Variants in MALAT1 observed in about 807,000 individuals in gnomAD.
The protein encoded by MALAT1 is metastasis associated lung adenocarcinoma transcript 1.
exon 3 of MALAT1, chr11:65,500,291 G>C (rs774114115): frequency 1.9e-6 from 1 of 518,900 alleles, no homozygotes; most frequent in South Asian, 1.4e-5. Flanking sequence ...CGTAACGGAA[G>C]TAATTCAAGA....
Position 65,505,924 on chromosome 11 carries a change from CAA to C in MALAT1, n.5169-332_5169-331del, listed in dbSNP as rs780177965. On this transcript the variant is annotated intron_variant and non_coding_transcript_variant, in intron 3 of 3. Transcript: ENST00000619449. ...CTGAGAGGGCTTTTGGGTGGGAATG[CAA>C]AAATTCTCTGCTAAGACTTTTTCAG... The C allele has an allele frequency of 5.1e-5, 22 of 433,088 alleles. No homozygotes were observed. In the Admixed American group the frequency reaches 5.5e-4, roughly 11 times the overall value. 26.8% of individuals were successfully genotyped at this position (433,088 alleles called of 1,614,324 possible). A position where few individuals can be genotyped will look rare whatever the true frequency, so the allele number is the denominator to read the frequency against.
In MALAT1 at chr11:65,499,265, T is replaced by A. The variant is rs534838156; in HGVS notation, n.528T>A. On this transcript the variant is annotated non_coding_transcript_exon_variant, in exon 3 of 4. Coordinates refer to ENST00000619449, the Ensembl canonical transcript of MALAT1. ...AATATGAAGACTTAGAAGAGTAGCA[T>A]GAGGAAGGAAAAGATAAAAGGTTTC... 2.5e-4 allele frequency: 127 copies of A among 513,916 alleles called. 3 individuals carry two copies. Among genetic ancestry groups the A allele is most frequent in the South Asian group, 1.6e-3 (113 of 70,476 alleles). 31.8% of individuals were successfully genotyped at this position (513,916 alleles called of 1,614,324 possible). A position where few individuals can be genotyped will look rare whatever the true frequency, so the allele number is the denominator to read the frequency against.
chr11:65,504,090 G>A (rs746914081), intron 3 of MALAT1: 7 of 517,688 alleles, frequency 1.4e-5, no homozygotes, highest in Admixed American at 3.9e-5. Context: ...ATATAGGGAA[G>A]GGAGGGGGTG....
At chr11:65,502,572 T>C (rs372084939) in exon 3 of MALAT1, 421 of 484,870 alleles carry the variant, frequency 8.7e-4, no homozygotes, top group Non-Finnish European at 1.4e-3. Flanking sequence ...ATAGTTCAGC[T>C]TGAATGTCTC....
At chr11:65,500,334 T>C (rs148537350) in exon 3 of MALAT1, 177 of 518,614 alleles carry the variant, frequency 3.4e-4, no homozygotes, top group African/African-American at 3.1e-3. Context: ...TGTTTTTGCA[T>C]TGGACTTTGA....
chr11:65,505,596 T>A lies in MALAT1; in HGVS notation n.5169-664T>A, dbSNP rs781283169. On this transcript the variant is annotated intron_variant and non_coding_transcript_variant, in intron 3 of 3. Transcript: ENST00000619449. ...TGCCTTTTGATCTAGCACAGACCCTTCACCCCTCACCTCGATGCAGCCAGT... is the reference window on the plus strand; with the variant it reads ...TGCCTTTTGATCTAGCACAGACCCTACACCCCTCACCTCGATGCAGCCAGT... 9.6e-6 allele frequency: 5 copies of A among 518,940 alleles called. No homozygotes were observed. The East Asian group carries it at 2.7e-4, about 28-fold the overall frequency. 32.1% of individuals were successfully genotyped at this position (518,940 alleles called of 1,614,324 possible).
At chr11:65,497,740 C>T (rs929196228) in exon 1 of MALAT1, 1 of 418,612 alleles carries the variant, frequency 2.4e-6, no homozygotes, top group South Asian at 1.8e-5. Context: ...CTCCCCTCCG[C>T]AGCCTGCAGC....
At chr11:65,503,230 A>G in exon 3 of MALAT1, 2 of 514,786 alleles carry the variant, frequency 3.9e-6, no homozygotes, top group South Asian at 2.8e-5. Context: ...CATGTTAGGG[A>G]TAAGTGCTTA....
intron 3 of MALAT1, chr11:65,503,995 C>T (rs755939890): frequency 1.9e-6 from 1 of 516,844 alleles, no homozygotes; most frequent in South Asian, 1.4e-5. Flanking sequence ...TAGAGTAATA[C>T]TTTTTCACAT....
At chr11:65,498,719 A>G (rs747482410) in exon 2 of MALAT1, 3 of 515,334 alleles carry the variant, frequency 5.8e-6, no homozygotes, top group Admixed American at 1.9e-5. Context: ...AGAGAACACA[A>G]GAAGTGCTTT....
chr11:65,506,476 T>G (rs1373228137), downstream of MALAT1: 2 of 294,078 alleles, frequency 6.8e-6, no homozygotes, highest in Admixed American at 4.6e-5. Flanking sequence ...TAAATTGTTG[T>G]GGTTCTTTTG....
chr11:65,498,197 C>G (rs376439419), intron 1 of MALAT1: 2 of 518,948 alleles, frequency 3.9e-6, no homozygotes, highest in Non-Finnish European at 7.7e-6. Flanking sequence ...TCTGTGTCTT[C>G]GGAGACAAAG....
chr11:65,503,984 T>A (rs1554965577), intron 3 of MALAT1: 4 of 516,602 alleles, frequency 7.7e-6, no homozygotes, highest in African/African-American at 7.7e-5. Flanking sequence ...TTGACAGTGA[T>A]TAGAGTAATA....
exon 3 of MALAT1, chr11:65,499,355 T>G (rs745828410): frequency 3.4e-5 from 17 of 494,390 alleles, no homozygotes; most frequent in Non-Finnish European, 4.9e-5. Context: ...AAAAGAAAAT[T>G]GAGAGAAAGG....
At chr11:65,505,272 T>C (rs1214652749) in intron 3 of MALAT1, 3 of 518,592 alleles carry the variant, frequency 5.8e-6, no homozygotes, top group East Asian at 5.4e-5. Context: ...AGCGCTATTA[T>C]CCTAAGGTCA....
At chr11:65,500,484 G>A (rs778862093) in exon 3 of MALAT1, 54 of 518,860 alleles carry the variant, frequency 1.0e-4, no homozygotes, top group Non-Finnish European at 1.5e-4. Flanking sequence ...AGCTAGGACT[G>A]AGGAGCAAGC....
exon 3 of MALAT1, chr11:65,498,995 G>C (rs1428628810): frequency 7.7e-6 from 4 of 518,868 alleles, no homozygotes; most frequent in South Asian, 5.6e-5. Context: ...GAATTCCGGT[G>C]ATGCGAGTTG....
chr11:65,498,556 C>T (rs1236913760), intron 1 of MALAT1: 4 of 518,572 alleles, frequency 7.7e-6, no homozygotes, highest in Non-Finnish European at 1.5e-5. Context: ...AGTCGCAGGA[C>T]TGCAAGCAGT....
exon 3 of MALAT1, chr11:65,502,624 T>G (rs772369299): frequency 2.1e-6 from 1 of 479,994 alleles, no homozygotes; most frequent in South Asian, 1.6e-5. Flanking sequence ...GGAAACTTTT[T>G]TTTTTTCTAT....
Sources: allele counts gnomAD v4.1 joint callset, GRCh38; gene constraint gnomAD v4.1.1; transcripts MANE v1.5; gene names NCBI Gene and HGNC (gene_info 2026-07-23, HGNC 2026-07-21).